The following MMRN1 variants were observed in gnomAD, a reference collection of about 807,000 sequenced individuals.
MMRN1 encodes the protein multimerin 1.
Under a neutral mutation model 100.7 loss-of-function variants are expected in MMRN1, and 94 were observed. The observed-to-expected ratio is 0.93, with a 90% confidence interval of 0.79 to 1.11. The LOEUF (loss-of-function observed/expected upper bound fraction) is 1.11, where lower values mean the gene tolerates loss of function less well. Among genes scored for constraint, MMRN1 ranks in the 50% least tolerant of loss-of-function variants. The pLI is 0.00. For synonymous variants in MMRN1, 575 were observed against 505.0 expected, an observed-to-expected ratio of 1.14 and a Z score of -1.86; for missense variants, 1,606 against 1,439.1, an observed-to-expected ratio of 1.12 and a Z score of -1.88.
At chr4:89,900,715 A>C (rs1474236178) in intron 1 of MMRN1, among the ~76,000 whole-genome samples, 1 of 152,094 alleles carries the variant, frequency 6.6e-6, no homozygotes, top group Non-Finnish European at 1.5e-5. Context: ...ATCATGGATT[A>C]TTAGATGGGT....
At chr4:89,922,927 A>C (rs1722135287) in intron 3 of MMRN1, among the ~76,000 whole-genome samples, 1 of 151,628 alleles carries the variant, frequency 6.6e-6, no homozygotes, top group Admixed American at 6.6e-5. Flanking sequence ...TTTCACGGAA[A>C]GGAGGCCTGA....
rs773098776 is a variant in MMRN1 at position 89,936,064 on chromosome 4, G to A, written c.2384G>A (p.Arg795Lys). The change falls in exon 6 of 8, where the codon AGA (arginine) becomes AAA (lysine). Residue 795 changes from arginine to lysine, a missense_variant. Transcript: ENST00000264790. ...SIQTLVNDNQRYNFVLQVAKT... is the reference protein window; with the variant it reads ...SIQTLVNDNQKYNFVLQVAKT... ...CAGACTTTGGTCAATGACAATCAGA[G>A]ATATAACTTTGTTTTGCAAGTCGCC... 2.0e-5 allele frequency: 33 copies of A among 1,611,796 alleles called. No homozygotes were observed. The highest frequency in any genetic ancestry group is 2.6e-5 in the Non-Finnish European group (31 of 1,179,314).
chr4:89,941,272 A>T (rs1045835565), intron 6 of MMRN1, among the ~76,000 whole-genome samples: 1 of 152,154 alleles, frequency 6.6e-6, no homozygotes, highest in African/African-American at 2.4e-5. Context: ...TGCTCACAGG[A>T]TCTGGCATAT....
At chr4:89,942,566 A>G (rs1722866844) in intron 6 of MMRN1, among the ~76,000 whole-genome samples, 1 of 152,150 alleles carries the variant, frequency 6.6e-6, no homozygotes, top group African/African-American at 2.4e-5. Context: ...CAGTTTTACT[A>G]TACATAGCTT....
In MMRN1 at chr4:89,921,869, A is replaced by G. The variant is rs181158610; in HGVS notation, c.851-1299A>G. On this transcript the variant is annotated intron_variant, in intron 3 of 7. Coordinates refer to ENST00000264790, the MANE Select transcript of MMRN1 (RefSeq NM_007351.3). ...TGGAGTAGAGAAGCTTAAGTATTATAGTCAAAGCCACATATGGCTTAGGGA... is the reference window on the plus strand; with the variant it reads ...TGGAGTAGAGAAGCTTAAGTATTATGGTCAAAGCCACATATGGCTTAGGGA... 3.9e-5 allele frequency among the ~76,000 whole-genome samples: 6 copies of G among 152,300 alleles called. No homozygotes were observed. The East Asian group carries it at 1.2e-3, about 29-fold the overall frequency.
rs779947189 is a variant in MMRN1 at position 89,940,478 on chromosome 4, GGAC to G, written c.3118+3681_3118+3683del. Reference sequence around the variant, plus strand: ...ATGCTATTTAAAAGAGAAAAAATGAGGACCTAGTGAATATTTAACTGTCTTATA... The same window carrying G: ...ATGCTATTTAAAAGAGAAAAAATGAGCTAGTGAATATTTAACTGTCTTATA... On this transcript the variant is annotated intron_variant, in intron 6 of 7. Coordinates refer to ENST00000264790, the MANE Select transcript of MMRN1 (RefSeq NM_007351.3). 3.1e-3 allele frequency among the ~76,000 whole-genome samples: 474 copies of G among 152,022 alleles called. 2 individuals are homozygous for G. The highest frequency in any genetic ancestry group is 5.9e-3 in the Non-Finnish European group (398 of 67,972).
intron 7 of MMRN1, 93 bp downstream of exon 7, chr4:89,951,844 T>G: frequency 7.2e-7 from 1 of 1,385,868 alleles, no homozygotes; most frequent in Non-Finnish European, 9.8e-7. Context: ...TTAAGCCTGC[T>G]TAATCTGGAT....
chr4:89,937,850 T>C (rs1257203685), intron 6 of MMRN1, among the ~76,000 whole-genome samples: 4 of 152,074 alleles, frequency 2.6e-5, no homozygotes, highest in Non-Finnish European at 4.4e-5. Flanking sequence ...AAGAAGCATG[T>C]ATTTGGGAAG....
At chr4:89,887,433 G>A (rs992185357) in intron 1 of MMRN1, among the ~76,000 whole-genome samples, 2 of 151,954 alleles carry the variant, frequency 1.3e-5, no homozygotes, top group African/African-American at 2.4e-5. Flanking sequence ...ATAGGATGGT[G>A]CTGGCATGAA....
At chr4:89,880,551 T>C (rs770126457) in intron 1 of MMRN1, among the ~76,000 whole-genome samples, 17 of 152,152 alleles carry the variant, frequency 1.1e-4, no homozygotes, top group Non-Finnish European at 2.4e-4. Flanking sequence ...GGCTCTGTGG[T>C]GCTTAGAGTA....
chr4:89,882,317 AATCTT>A (rs1720838733), intron 1 of MMRN1, among the ~76,000 whole-genome samples: 1 of 151,034 alleles, frequency 6.6e-6, no homozygotes, highest in South Asian at 2.1e-4. Context: ...AAATATATAT[AATCTT>A]AAGAACAATA....
chr4:89,902,072 A>T (rs1255047923), intron 1 of MMRN1: 1 of 150,332 alleles, frequency 6.7e-6, no homozygotes, highest in African/African-American at 2.4e-5. Flanking sequence ...AATATGCTCA[A>T]GTCACAGTTT....
intron 3 of MMRN1, among the ~76,000 whole-genome samples, chr4:89,921,163 T>A (rs1043159435): frequency 6.6e-6 from 1 of 152,174 alleles, no homozygotes; most frequent in South Asian, 2.1e-4. Flanking sequence ...CCAGCTCTTT[T>A]TTTTTCCTAT....
At chr4:89,916,120 G>A (rs111549545) in intron 3 of MMRN1, among the ~76,000 whole-genome samples, 4 of 151,658 alleles carry the variant, frequency 2.6e-5, no homozygotes, top group African/African-American at 7.2e-5. Context: ...GTTAAATCCC[G>A]TGTAATAAAT....
At chr4:89,923,384 G>C in intron 4 of MMRN1, 112 bp downstream of exon 4, 3 of 958,320 alleles carry the variant, frequency 3.1e-6, no homozygotes, top group Non-Finnish European at 4.9e-6. Context: ...TGACACATTA[G>C]CATACTTCTC....
At chr4:89,931,956 C>T (rs186452907) in intron 5 of MMRN1, among the ~76,000 whole-genome samples, 1 of 152,234 alleles carries the variant, frequency 6.6e-6, no homozygotes, top group African/African-American at 2.4e-5. Context: ...CAACAGTCCC[C>T]CAAAGTCTTC....
chr4:89,889,381 G>T (rs1157514015), intron 1 of MMRN1, among the ~76,000 whole-genome samples: 1 of 152,056 alleles, frequency 6.6e-6, no homozygotes, highest in Non-Finnish European at 1.5e-5. Context: ...TAACCCAAAA[G>T]TTTCCTTCCC....
intron 1 of MMRN1, among the ~76,000 whole-genome samples, chr4:89,885,973 A>G (rs1170258008): frequency 6.6e-6 from 1 of 151,734 alleles, no homozygotes; most frequent in Non-Finnish European, 1.5e-5. Flanking sequence ...AAATGGAAGC[A>G]TACCTCAATA....
At chr4:89,939,025 C>T (rs898230545) in intron 6 of MMRN1, among the ~76,000 whole-genome samples, 1 of 152,026 alleles carries the variant, frequency 6.6e-6, no homozygotes, top group African/African-American at 2.4e-5. Context: ...GGCCATAGAA[C>T]AGATGTCAAT....
Sources: gnomAD v4.1 joint callset for allele counts (sites outside exome capture counted in the v4.1 genomes callset) on GRCh38, gnomAD v4.1.1 for gene constraint, MANE v1.5 for transcripts, NCBI Gene and HGNC (gene_info 2026-07-23, HGNC 2026-07-21) for gene names.